Variants in ARFGEF3 observed in about 807,000 individuals in gnomAD.
ARFGEF3 encodes brefeldin A-inhibited guanine nucleotide-exchange protein 3.
ARFGEF3 carries 96 observed loss-of-function variants against 221.7 expected under a neutral mutation model. That is an observed-to-expected ratio of 0.43 (90% CI 0.37 to 0.51). The LOEUF (loss-of-function observed/expected upper bound fraction) is 0.51. Ranked by LOEUF, ARFGEF3 falls within the 20% of genes least tolerant of loss-of-function variation. ARFGEF3 has a pLI of 0.00. For missense variants in ARFGEF3, 2,410 were observed against 2,789.9 expected (o/e 0.86, Z 3.07); for synonymous variants, 1,145 against 1,126.8 (o/e 1.02, Z -0.32).
chr6:138,309,000 T>A, intron 24 of ARFGEF3, 139 bp downstream of exon 24: 1 of 987,148 alleles, frequency 1.0e-6, no homozygotes, highest in Non-Finnish European at 1.5e-6. Context: ...TGTTGTGTAC[T>A]CAAAAGCAAA....
At chr6:138,312,318 G>C (rs1429612725) in intron 25 of ARFGEF3, among the ~76,000 whole-genome samples, 1 of 152,048 alleles carries the variant, frequency 6.6e-6, no homozygotes, top group Admixed American at 6.5e-5. Flanking sequence ...TTTCTCACCT[G>C]TCTTCTCAGG....
intron 8 of ARFGEF3, among the ~76,000 whole-genome samples, chr6:138,251,059 C>T (rs1004583492): frequency 1.3e-5 from 2 of 152,164 alleles, no homozygotes; most frequent in Non-Finnish European, 2.9e-5. Flanking sequence ...ATCTGTTTTC[C>T]AGACTGCCGC....
intron 2 of ARFGEF3, among the ~76,000 whole-genome samples, chr6:138,178,137 G>C (rs945019460): frequency 1.3e-5 from 2 of 152,020 alleles, no homozygotes; most frequent in Non-Finnish European, 2.9e-5. Flanking sequence ...TTTTTCTCTC[G>C]AAGATGTGAC....
At chr6:138,211,020 T>C (rs1275432563) in intron 4 of ARFGEF3, among the ~76,000 whole-genome samples, 1 of 152,208 alleles carries the variant, frequency 6.6e-6, no homozygotes, top group Non-Finnish European at 1.5e-5. Flanking sequence ...TGGGTTTCAA[T>C]TCTTATTCTT....
chr6:138,203,139 C>T (rs1415890264), intron 2 of ARFGEF3, among the ~76,000 whole-genome samples: 1 of 150,262 alleles, frequency 6.7e-6, no homozygotes, highest in Non-Finnish European at 1.5e-5. Flanking sequence ...GGAAGAGGGT[C>T]CTTTGCCAGA....
At chr6:138,170,886 TG>T (rs1776816179) in intron 2 of ARFGEF3, among the ~76,000 whole-genome samples, 173 bp downstream of exon 2, 1 of 152,190 alleles carries the variant, frequency 6.6e-6, no homozygotes, top group Non-Finnish European at 1.5e-5. Flanking sequence ...TTCTGGAGGC[TG>T]AGAAGTCCAA....
chr6:138,244,663 A>C (rs1205898393), intron 7 of ARFGEF3, among the ~76,000 whole-genome samples: 1 of 152,196 alleles, frequency 6.6e-6, no homozygotes, highest in Non-Finnish European at 1.5e-5. Flanking sequence ...ATCAACAAAG[A>C]CCATGTGCCC....
At chr6:138,233,491 C>G (rs1778229448) in intron 5 of ARFGEF3, among the ~76,000 whole-genome samples, 1 of 152,128 alleles carries the variant, frequency 6.6e-6, no homozygotes, top group Non-Finnish European at 1.5e-5. Context: ...ATTCTCCTGC[C>G]TCAGCCTCCC....
rs183426268 is a variant in ARFGEF3, at chr6:138,271,817, C to T, written c.2129-6634C>T. ...TGACTTAGGATGCCTCTATGATACC[C>T]ATTCCTGCTAACTTACCACAATGTA... On this transcript the variant is annotated intron_variant, in intron 12 of 33. Transcript: ENST00000251691. Among the ~76,000 whole-genome samples the T allele has an allele frequency of 4.4e-4, 67 of 152,326 alleles. No individual in the cohort carries two copies. The East Asian group carries it at 9.4e-3, about 21-fold the overall frequency.
At chr6:138,278,343 T>C in intron 12 of ARFGEF3, 108 bp from the exon 13 acceptor site, 1 of 983,944 alleles carries the variant, frequency 1.0e-6, no homozygotes. Flanking sequence ...TATACAGAAA[T>C]ATCCTATTGA....
chr6:138,251,943 C>T (rs186308504), intron 8 of ARFGEF3, among the ~76,000 whole-genome samples: 2 of 152,194 alleles, frequency 1.3e-5, no homozygotes, highest in East Asian at 3.9e-4. Flanking sequence ...TCAGGAGCTA[C>T]GTCTTGGTCA....
intron 13 of ARFGEF3, among the ~76,000 whole-genome samples, 183 bp from the exon 14 acceptor site, chr6:138,279,814 AAG>A (rs1779163960): frequency 6.6e-6 from 1 of 152,200 alleles, no homozygotes; most frequent in South Asian, 2.1e-4. Context: ...GTCATCAGTG[AAG>A]GAAACCTCAG....
chr6:138,265,201 C>G (rs1778872562), intron 12 of ARFGEF3, among the ~76,000 whole-genome samples: 1 of 152,148 alleles, frequency 6.6e-6, no homozygotes, highest in Non-Finnish European at 1.5e-5. Context: ...CTGCGCCCGG[C>G]TGGAACATTT....
At chr6:138,184,779 C>G (rs1777150397) in intron 2 of ARFGEF3, among the ~76,000 whole-genome samples, 1 of 152,164 alleles carries the variant, frequency 6.6e-6, no homozygotes, top group Non-Finnish European at 1.5e-5. Flanking sequence ...TTTCTTTGAG[C>G]TGGCCTCTCT....
At chr6:138,306,452 A>G (rs190789345) in intron 22 of ARFGEF3, among the ~76,000 whole-genome samples, 1 of 152,340 alleles carries the variant, frequency 6.6e-6, no homozygotes, top group African/African-American at 2.4e-5. Flanking sequence ...TGAAGAGATC[A>G]TCAAAGTGAT....
intron 2 of ARFGEF3, among the ~76,000 whole-genome samples, chr6:138,191,055 C>T (rs966926529): frequency 1.3e-5 from 2 of 152,090 alleles, no homozygotes. Context: ...ATAGCCACTG[C>T]CCCAATTCCT....
intron 29 of ARFGEF3, among the ~76,000 whole-genome samples, chr6:138,323,200 T>C (rs1780064860): frequency 1.3e-5 from 2 of 152,156 alleles, no homozygotes; most frequent in Non-Finnish European, 2.9e-5. Context: ...TAGGAAGTAG[T>C]ATTTTGACAA....
intron 12 of ARFGEF3, among the ~76,000 whole-genome samples, chr6:138,268,547 A>G (rs981855705): frequency 6.6e-5 from 10 of 152,198 alleles, no homozygotes; most frequent in Admixed American, 1.3e-4. Context: ...TTAAAGTTTC[A>G]TATGGTAGGG....
At chr6:138,169,328 G>C (rs1469699073) in intron 1 of ARFGEF3, among the ~76,000 whole-genome samples, 2 of 152,236 alleles carry the variant, frequency 1.3e-5, no homozygotes, top group African/African-American at 2.4e-5. Context: ...GTGCCTGGGA[G>C]TCTCACTGCA....
Sources: allele counts gnomAD v4.1 joint callset (sites outside exome capture counted in the v4.1 genomes callset), GRCh38; gene constraint gnomAD v4.1.1; transcripts MANE v1.5; gene names NCBI Gene and HGNC (gene_info 2026-07-23, HGNC 2026-07-21).